FARP2: variants seen among roughly 807,000 people sequenced by gnomAD.
FARP2 encodes the protein FERM, ARH/RhoGEF and pleckstrin domain protein 2.
FARP2 carries 111 observed loss-of-function variants against 130.5 expected under a neutral mutation model. That is an observed-to-expected ratio of 0.85 (90% confidence interval 0.73 to 1.00). The LOEUF (loss-of-function observed/expected upper bound fraction) is 1.00. Ranked by LOEUF, FARP2 falls within the 50% of genes least tolerant of loss-of-function variation. The pLI, the probability that FARP2 is intolerant of heterozygous loss-of-function variation, is 0.00. For synonymous variants in FARP2, 504 were observed against 516.9 expected, an observed-to-expected ratio of 0.98 and a Z score of 0.34; for missense variants, 1,385 against 1,346.3, an observed-to-expected ratio of 1.03 and a Z score of -0.45.
intron 14 of FARP2, among the ~76,000 whole-genome samples, chr2:241,461,557 C>T (rs2064018056): frequency 1.3e-5 from 2 of 152,250 alleles, no homozygotes; most frequent in Admixed American, 1.3e-4. Context: ...TGTCCCCCAG[C>T]CTCCAGCCCC....
At chr2:241,400,570 A>C (rs1224071692) in intron 2 of FARP2, among the ~76,000 whole-genome samples, 1 of 152,238 alleles carries the variant, frequency 6.6e-6, no homozygotes, top group Non-Finnish European at 1.5e-5. Context: ...ACTTTTTATC[A>C]GATTCTCAAA....
intron 21 of FARP2, 49 bp from the exon 22 acceptor site, chr2:241,489,913 G>C (rs1056416863): frequency 3.8e-6 from 5 of 1,316,262 alleles, no homozygotes; most frequent in Middle Eastern, 1.8e-4. Flanking sequence ...GGCTTAGGCT[G>C]TCAGTTCCTT....
intron 18 of FARP2, among the ~76,000 whole-genome samples, chr2:241,471,794 C>T (rs2064316570): frequency 6.6e-6 from 1 of 151,844 alleles, no homozygotes; most frequent in Non-Finnish European, 1.5e-5. Context: ...CGCGCCCAGC[C>T]GGGGTTGCTG....
intron 2 of FARP2, among the ~76,000 whole-genome samples, chr2:241,389,270 C>G (rs1208670318): frequency 2.0e-5 from 3 of 152,042 alleles, no homozygotes; most frequent in African/African-American, 7.2e-5. Context: ...CAGAGCAAGA[C>G]TTCGTCTCAA....
At chr2:241,465,715 C>T (rs2064151562) in intron 17 of FARP2, 2 of 1,550,950 alleles carry the variant, frequency 1.3e-6, no homozygotes, top group East Asian at 4.9e-5. Flanking sequence ...AGGTGTGGAG[C>T]TCTGCATAAC....
At chr2:241,377,199 A>G (rs929735477) in intron 2 of FARP2, among the ~76,000 whole-genome samples, 1 of 152,144 alleles carries the variant, frequency 6.6e-6, no homozygotes. Flanking sequence ...GAAAAGCACT[A>G]GCTTCTTCTG....
chr2:241,413,545 C>T (rs1574772681), intron 7 of FARP2, 124 bp downstream of exon 7: 2 of 708,576 alleles, frequency 2.8e-6, no homozygotes, highest in East Asian at 5.5e-5. Flanking sequence ...TGCTCCTGGC[C>T]TCAGGATGTG....
At chr2:241,467,617 G>A (rs1222288804) in intron 17 of FARP2, among the ~76,000 whole-genome samples, 1 of 151,852 alleles carries the variant, frequency 6.6e-6, no homozygotes, top group African/African-American at 2.4e-5. Context: ...ACGCCAGCCT[G>A]GGCGACAGAG....
Position 241,406,411 on chromosome 2 carries a change from G to GTA in FARP2, c.332-1117_332-1116dup, listed in dbSNP as rs796559686. ...TGTGTGGGTATATATATGTCTGTGT[G>GTA]TATATATATAGAGAGAGAGAGAGAG... On this transcript the variant is annotated intron_variant, in intron 4 of 26. Coordinates refer to ENST00000264042, the MANE Select transcript of FARP2 (RefSeq NM_014808.4). 2.0e-3 allele frequency among the ~76,000 whole-genome samples: 248 copies of GTA among 123,532 alleles called. 1 individual carries two copies. The East Asian group carries it at 0.054, about 27-fold the overall frequency. 81.0% of individuals were successfully genotyped at this position (123,532 alleles called of 152,430 possible). A position where few individuals can be genotyped will look rare whatever the true frequency, so the allele number is the denominator to read the frequency against.
Position 241,448,599 on chromosome 2 carries a change from A to C in FARP2, c.1411+7043A>C, listed in dbSNP as rs58625503. 8.3e-3 allele frequency among the ~76,000 whole-genome samples: 1,259 copies of C among 152,352 alleles called. 16 individuals are homozygous for C. Among genetic ancestry groups the C allele is most frequent in the African/African-American group, 0.029 (1,197 of 41,580 alleles). On this transcript the variant is annotated intron_variant, in intron 13 of 26. Coordinates refer to ENST00000264042, the MANE Select transcript of FARP2 (RefSeq NM_014808.4). ...GGCTGTGGAGCACCTTCACTTATTC[A>C]AGAGGAGACCGTACACCTGGCAGAT...
At chr2:241,480,456 G>A (rs951981108) in intron 19 of FARP2, among the ~76,000 whole-genome samples, 26 of 152,112 alleles carry the variant, frequency 1.7e-4, no homozygotes, top group African/African-American at 6.3e-4. Context: ...CCCTCAGGGT[G>A]TACTCTCTGG....
At chr2:241,434,903 T>G in intron 10 of FARP2, 59 bp from the exon 11 acceptor site, 1 of 1,007,952 alleles carries the variant, frequency 9.9e-7, no homozygotes. Flanking sequence ...TGTCTTTTAC[T>G]CTGAAAAATT....
chr2:241,426,354 T>TA (rs1435163194), intron 8 of FARP2, among the ~76,000 whole-genome samples: 1 of 152,158 alleles, frequency 6.6e-6, no homozygotes, highest in Non-Finnish European at 1.5e-5. Context: ...CTTTATAATA[T>TA]AAAAAAAGTA....
In FARP2 at chr2:241,373,115, A is replaced by G. The variant is rs1575465533; in HGVS notation, c.8A>G (p.Glu3Gly). The change falls in exon 2 of 27, where the codon GAG (glutamate) becomes GGG (glycine). Residue 3 changes from glutamate to glycine, a missense_variant. Glu to Gly is a moderately conservative substitution (Grantham distance 98). Coordinates refer to ENST00000264042, the MANE Select transcript of FARP2 (RefSeq NM_014808.4). MG[E>G]IEGTYRVLQT... is the part of the protein sequence containing the mutation. ...CTTCACTCATGGTGAAGAATGGGGG[A>G]GATAGAAGGAACATACAGAGTCCTG... 1 of 1,326,692 alleles carries G rather than the reference A, an allele frequency of 7.5e-7. No homozygotes were observed. Among genetic ancestry groups the G allele is most frequent in the South Asian group, 1.9e-5 (1 of 53,904 alleles). 82.2% of individuals were successfully genotyped at this position (1,326,692 alleles called of 1,614,324 possible). A position where few individuals can be genotyped will look rare whatever the true frequency, so the allele number is the denominator to read the frequency against.
intron 2 of FARP2, among the ~76,000 whole-genome samples, chr2:241,383,497 A>G (rs988547021): frequency 1.3e-5 from 2 of 152,150 alleles, no homozygotes; most frequent in African/African-American, 4.8e-5. Flanking sequence ...GCAAGAGACC[A>G]TGTGGTGGGA....
chr2:241,438,287 G>A (rs904081042), intron 12 of FARP2, among the ~76,000 whole-genome samples: 1 of 152,062 alleles, frequency 6.6e-6, no homozygotes, highest in Non-Finnish European at 1.5e-5. Context: ...GGGCACAATG[G>A]CTCACACCCT....
chr2:241,492,259 G>C (rs146276347), intron 24 of FARP2, among the ~76,000 whole-genome samples: 1 of 152,278 alleles, frequency 6.6e-6, no homozygotes, highest in Admixed American at 6.5e-5. Flanking sequence ...CAGCACCCCC[G>C]TGAGGGGGCT....
chr2:241,494,145 T>TGGACACAACTACAAAGAACAGCA lies in FARP2; in HGVS notation c.*28_*50dup. ...GAATGACGCTCAACCTGCCCAGGTT[T>TGGACACAACTACAAAGAACAGCA]GGACACAACTACAAAGAACAGCAGG... On this transcript the variant is annotated 3_prime_UTR_variant, in exon 27 of 27. Coordinates refer to ENST00000264042, the MANE Select transcript of FARP2 (RefSeq NM_014808.4). The surrounding 1 kb of genome is among the most constrained non-coding windows in gnomAD (Gnocchi z 4.9). 7.2e-7 allele frequency: 1 copy of TGGACACAACTACAAAGAACAGCA among 1,396,776 alleles called. No homozygotes were observed. Among genetic ancestry groups the TGGACACAACTACAAAGAACAGCA allele is most frequent in the Non-Finnish European group, 9.5e-7 (1 of 1,048,090 alleles). The allele number at this position is 1,396,776 out of a possible 1,614,324, so 86.5% of individuals were successfully genotyped here. A position where few individuals can be genotyped will look rare whatever the true frequency, so the allele number is the denominator to read the frequency against.
At position 241,418,071 on chromosome 2, in the gene FARP2, C is replaced by A; in HGVS notation, c.733C>A (p.Gln245Lys). The change falls in exon 8 of 27, where the codon CAA becomes AAA. Residue 245 changes from glutamine (Q) to lysine (K), a missense_variant. Transcript: ENST00000264042. The stretch of plus-strand genomic sequence containing the variant: ...TTCTGACAGGGAAGGAACCAAGATT[C>A]AACTGGCAGTTTCCCACATGGGTGT... ...MASDREGTKIQLAVSHMGVLV... is the reference protein window; with the variant it reads ...MASDREGTKIKLAVSHMGVLV... 6.2e-7 allele frequency: 1 copy of A among 1,614,140 alleles called. No individual in the cohort carries two copies. Among genetic ancestry groups the A allele is most frequent in the South Asian group, 1.1e-5 (1 of 91,088 alleles).
Sources: allele counts gnomAD v4.1 joint callset (sites outside exome capture counted in the v4.1 genomes callset), GRCh38; gene constraint gnomAD v4.1.1; non-coding constraint Gnocchi (gnomAD v3.1); transcripts MANE v1.5; gene names NCBI Gene and HGNC (gene_info 2026-07-23, HGNC 2026-07-21).